TRIM8: variants seen among roughly 807,000 people sequenced by gnomAD.
TRIM8 encodes tripartite motif containing 8.
A neutral mutation model predicts 55.7 loss-of-function variants in TRIM8; 9 were observed. The observed-to-expected ratio is 0.16, with a 90% CI of 0.10 to 0.28. The LOEUF is 0.28. Ranked by LOEUF, TRIM8 falls within the 10% of genes least tolerant of loss-of-function variation. The pLI, the probability that TRIM8 is intolerant of heterozygous loss-of-function variation, is 1.00. For synonymous variants in TRIM8, 335 were observed against 333.3 expected (o/e 1.01, Z -0.06); for missense variants, 556 against 736.4 (o/e 0.76, Z 2.83).
chr10:102,646,536 C>T (rs980742626), intron 1 of TRIM8, among the ~76,000 whole-genome samples: 11 of 152,222 alleles, frequency 7.2e-5, no homozygotes, highest in Admixed American at 6.5e-4. Context: ...AGGGCCACCA[C>T]AGGCTGGGGC....
At chr10:102,652,275 C>T (rs2063991490) in intron 1 of TRIM8, among the ~76,000 whole-genome samples, 2 of 152,128 alleles carry the variant, frequency 1.3e-5, no homozygotes, top group Admixed American at 1.3e-4. Context: ...CTGTGGTGGG[C>T]CTTGGTTTGC....
At position 102,657,117 on chromosome 10, in the gene TRIM8, T is replaced by C. The variant is rs775864017; in HGVS notation, c.1419T>C (p.Cys473=). Residue 473 remains cysteine (C), a synonymous_variant, in exon 6 of 6, where the codon TGT becomes TGC. Coordinates refer to ENST00000643721, the MANE Select transcript of TRIM8 (RefSeq NM_030912.3). ...RKILVCSVDN[C]YCSSVANHGG... ...TTCTCGTCTGTTCTGTGGACAACTGTTACTGTTCTTCCGTGGCCAACCATG... is the reference window on the plus strand; with the variant it reads ...TTCTCGTCTGTTCTGTGGACAACTGCTACTGTTCTTCCGTGGCCAACCATG... 1.9e-6 allele frequency: 3 copies of C among 1,613,736 alleles called. No homozygotes were observed. The African/African-American group carries it at 4.0e-5, about 22-fold the overall frequency.
In TRIM8 at chr10:102,657,404, G is replaced by A. The variant is rs775170274; in HGVS notation, c.*50G>A. On this transcript the variant is annotated 3_prime_UTR_variant, in exon 6 of 6. Transcript: ENST00000643721. ...GGGAATCTTCCTCCCCAGCCCCCGGGCTCGGGAGTTATGCATCCAGAGACC... is the reference window on the plus strand; with the variant it reads ...GGGAATCTTCCTCCCCAGCCCCCGGACTCGGGAGTTATGCATCCAGAGACC... 2 of 1,516,598 alleles carry A rather than the reference G, an allele frequency of 1.3e-6. No homozygotes were observed. The highest frequency in any genetic ancestry group is 8.8e-7 in the Non-Finnish European group (1 of 1,132,320). 93.9% of individuals were successfully genotyped at this position (1,516,598 alleles called of 1,614,324 possible). A position where few individuals can be genotyped will look rare whatever the true frequency, so the allele number is the denominator to read the frequency against.
At chr10:102,646,417 G>T (rs2063935807) in intron 1 of TRIM8, among the ~76,000 whole-genome samples, 1 of 152,194 alleles carries the variant, frequency 6.6e-6, no homozygotes, top group Non-Finnish European at 1.5e-5. Flanking sequence ...AGGAAGCTCT[G>T]TTCAGGGCAT....
chr10:102,656,363 G>A lies in TRIM8; in HGVS notation c.1026G>A (p.Lys342=). Reference sequence around the variant, plus strand: ...TGAACGAAGTGGCCAAGAAGGAGAAGCAGCTGCGGAAAATGCTAGAAGGTG... The same window carrying A: ...TGAACGAAGTGGCCAAGAAGGAGAAACAGCTGCGGAAAATGCTAGAAGGTG... ...LFLNEVAKKE[K]QLRKMLEGPF... The change falls in exon 5 of 6, where the codon AAG becomes AAA. Residue 342 remains lysine (K), a synonymous_variant. Coordinates refer to ENST00000643721, the MANE Select transcript of TRIM8 (RefSeq NM_030912.3). The surrounding 1 kb of genome is among the most constrained non-coding windows in gnomAD (Gnocchi z 4.6). 1 of 1,613,754 alleles carries A rather than the reference G, an allele frequency of 6.2e-7. No homozygotes were observed.
intron 1 of TRIM8, among the ~76,000 whole-genome samples, chr10:102,652,290 A>G (rs2063991565): frequency 6.6e-6 from 1 of 152,140 alleles, no homozygotes; most frequent in East Asian, 1.9e-4. Flanking sequence ...GTTTGCCCCT[A>G]CGTAAAATGG....
Position 102,645,341 on chromosome 10 carries a change from AGGGTCCTGGGAAGAAGGGCCCC to A in TRIM8, c.570+160_570+181del, listed in dbSNP as rs936114463. 9.1e-6 allele frequency: 8 copies of A among 875,576 alleles called. No individual in the cohort carries two copies. The African/African-American group carries it at 1.1e-4, about 12-fold the overall frequency. The allele number at this position is 875,576 out of a possible 1,614,324, so 54.2% of individuals were successfully genotyped here. ...AACTCTTCTCTGAAAGTTTGGGGAC[AGGGTCCTGGGAAGAAGGGCCCC>A]GGGTCGCTACTTGGTACATTCTCGC... On this transcript the variant is annotated intron_variant, in intron 1 of 5. Coordinates refer to ENST00000643721, the MANE Select transcript of TRIM8 (RefSeq NM_030912.3).
chr10:102,657,428 C>T lies in TRIM8; in HGVS notation c.*74C>T. 1 of 1,493,494 alleles carries T rather than the reference C, an allele frequency of 6.7e-7. No homozygotes were observed. The highest frequency in any genetic ancestry group is 1.4e-5 in the African/African-American group (1 of 71,286). The allele number at this position is 1,493,494 out of a possible 1,614,324, so 92.5% of individuals were successfully genotyped here. ...GGCTCGGGAGTTATGCATCCAGAGA[C>T]CTGCCCTTCTACCTTCCTCGCCTCC... On this transcript the variant is annotated 3_prime_UTR_variant, in exon 6 of 6. Transcript: ENST00000643721.
chr10:102,650,073 G>A (rs2063971972), intron 1 of TRIM8, among the ~76,000 whole-genome samples: 1 of 152,076 alleles, frequency 6.6e-6, no homozygotes, highest in Non-Finnish European at 1.5e-5. Context: ...GGTCTTGTCT[G>A]AAAACCTAGG....
chr10:102,653,243 G>T (rs1168893643), intron 1 of TRIM8, among the ~76,000 whole-genome samples: 1 of 152,220 alleles, frequency 6.6e-6, no homozygotes, highest in East Asian at 1.9e-4. Flanking sequence ...CACAGGCTCA[G>T]AGCAGGGGTC....
chr10:102,650,744 G>A (rs1229024313), intron 1 of TRIM8, among the ~76,000 whole-genome samples: 1 of 152,202 alleles, frequency 6.6e-6, no homozygotes, highest in African/African-American at 2.4e-5. Context: ...TTTTTCCCAG[G>A]TGGGAAGTGG....
intron 3 of TRIM8, among the ~76,000 whole-genome samples, chr10:102,655,696 A>G (rs570441155): frequency 6.6e-6 from 1 of 152,340 alleles, no homozygotes; most frequent in African/African-American, 2.4e-5. Context: ...TGCTGCAGAA[A>G]TGTTGCTGTA....
intron 1 of TRIM8, among the ~76,000 whole-genome samples, chr10:102,648,293 A>G (rs1273990842): frequency 1.3e-5 from 2 of 152,132 alleles, no homozygotes; most frequent in African/African-American, 4.8e-5. Context: ...CATGACATGG[A>G]AAGAAGACCC....
intron 1 of TRIM8, among the ~76,000 whole-genome samples, chr10:102,649,468 G>C (rs1388064909): frequency 1.3e-5 from 2 of 152,216 alleles, no homozygotes; most frequent in Non-Finnish European, 2.9e-5. Flanking sequence ...AGCAAGCCCG[G>C]CTTGGGCCCC....
At chr10:102,655,394 C>A in intron 3 of TRIM8, 81 bp downstream of exon 3, 1 of 1,291,236 alleles carries the variant, frequency 7.7e-7, no homozygotes, top group Non-Finnish European at 1.1e-6. Flanking sequence ...GCACCTGTAG[C>A]TCACATGCCC....
Position 102,656,968 on chromosome 10 carries a change from C to T in TRIM8, c.1270C>T (p.His424Tyr). ...CCTGGGGCCCTGCAGCTCCACGCAGCACTTGGTGGCCCTGCCGGGCGGCGC... is the reference window on the plus strand; with the variant it reads ...CCTGGGGCCCTGCAGCTCCACGCAGTACTTGGTGGCCCTGCCGGGCGGCGC... Reference protein sequence around the residue: ...QPLGPCSSTQHLVALPGGAQP... With the variant: ...QPLGPCSSTQYLVALPGGAQP... The change falls in exon 6 of 6, where the codon CAC becomes TAC. Residue 424 changes from histidine (H) to tyrosine (Y), a missense_variant. His to Tyr is a moderately conservative substitution (Grantham distance 83). Coordinates refer to ENST00000643721, the MANE Select transcript of TRIM8 (RefSeq NM_030912.3). The surrounding 1 kb of genome is among the most constrained non-coding windows in gnomAD (Gnocchi z 4.6). The T allele has an allele frequency of 1.2e-6, 2 of 1,612,502 alleles. No homozygotes were observed. Among genetic ancestry groups the T allele is most frequent in the Non-Finnish European group, 1.7e-6 (2 of 1,179,570 alleles).
In TRIM8 at chr10:102,656,871, G is replaced by A. The variant is rs371576927; in HGVS notation, c.1173G>A (p.Thr391=). The stretch of plus-strand genomic sequence containing the variant: ...TCCCAGAGGCCAGTTTCCTAGAGAC[G>A]TCGTCGGGCCCTGTGGGCGGCCAGT... ...TAFPEASFLE[T]SSGPVGGQYG... is the part of the protein sequence containing the mutation. Residue 391 remains threonine, a synonymous_variant, in exon 6 of 6, where the codon ACG becomes ACA. Coordinates refer to ENST00000643721, the MANE Select transcript of TRIM8 (RefSeq NM_030912.3). The surrounding 1 kb of genome is among the most constrained non-coding windows in gnomAD (Gnocchi z 4.6). The A allele has an allele frequency of 2.0e-5, 31 of 1,568,988 alleles. No homozygotes were observed. In the African/African-American group the frequency reaches 3.1e-4, roughly 16 times the overall value.
rs2064011704 is a variant in TRIM8, at chr10:102,655,001, G to A, written c.667-79G>A. 2.0e-6 allele frequency: 3 copies of A among 1,508,298 alleles called. No homozygotes were observed. In the Admixed American group the frequency reaches 5.6e-5, roughly 28 times the overall value. 93.4% of individuals were successfully genotyped at this position (1,508,298 alleles called of 1,614,324 possible). On this transcript the variant is annotated intron_variant, in intron 2 of 5. Coordinates refer to ENST00000643721, the MANE Select transcript of TRIM8 (RefSeq NM_030912.3). ...GCCTGGTGACTTAGGGTTCTAGGAT[G>A]TGAGAAGGGTAAGAGGGGGGGAAAC...
Position 102,644,855 on chromosome 10 carries a change from G to T in TRIM8, c.238G>T (p.Ala80Ser), listed in dbSNP as rs769518997. ...KLTNIVEKFN[A>S]LHVEKPPAAL... ...CACCAACATCGTGGAGAAGTTCAAT[G>T]CCCTGCACGTGGAGAAGCCGCCGGC... The change falls in exon 1 of 6, where the codon GCC becomes TCC. Residue 80 changes from alanine (A) to serine (S), a missense_variant. By Grantham distance (99) the Ala-to-Ser change is moderately conservative (BLOSUM62 1). Coordinates refer to ENST00000643721, the MANE Select transcript of TRIM8 (RefSeq NM_030912.3). The T allele has an allele frequency of 7.4e-6, 12 of 1,612,370 alleles. No homozygotes were observed. The highest frequency in any genetic ancestry group is 1.0e-5 in the Non-Finnish European group (12 of 1,179,726).
Sources: gnomAD v4.1 joint callset for allele counts (sites outside exome capture counted in the v4.1 genomes callset) on GRCh38, gnomAD v4.1.1 for gene constraint, Gnocchi (gnomAD v3.1) non-coding constraint, MANE v1.5 for transcripts, NCBI Gene and HGNC (gene_info 2026-07-23, HGNC 2026-07-21) for gene names.